Variants in LIPJ observed in about 807,000 individuals in gnomAD.
The protein encoded by LIPJ is lipase family member J.
LIPJ carries 33 observed loss-of-function variants against 39.8 expected under a neutral mutation model. The ratio of observed to expected loss-of-function variants is 0.83; its 90% CI spans 0.63 to 1.11. The LOEUF (loss-of-function observed/expected upper bound fraction) is 1.11. LIPJ is among the 50% of genes least tolerant of loss of function. The probability of loss-of-function intolerance (pLI) is 0.00; values close to 1 mark genes in which losing one functional copy is unlikely to be tolerated. For synonymous variants in LIPJ, 128 were observed against 139.2 expected, an observed-to-expected ratio of 0.92 and a Z score of 0.57; for missense variants, 422 against 427.9, an observed-to-expected ratio of 0.99 and a Z score of 0.12.
the LIPJ span, among the ~76,000 whole-genome samples, chr10:88,621,700 T>C: frequency 6.6e-6 from 1 of 152,098 alleles, no homozygotes; most frequent in Non-Finnish European, 1.5e-5. Flanking sequence ...AAAAAAAGTA[T>C]TAGGAGGAGA....
At chr10:88,592,995 C>G (rs980808208) in intron 4 of LIPJ, 1 of 151,894 alleles carries the variant, frequency 6.6e-6, no homozygotes, top group Non-Finnish European at 1.5e-5. Flanking sequence ...TAGGGGCTAA[C>G]ATATTCATAT....
downstream of LIPJ, among the ~76,000 whole-genome samples, chr10:88,607,712 C>G (rs1034212912): frequency 6.6e-6 from 1 of 152,148 alleles, no homozygotes; most frequent in Non-Finnish European, 1.5e-5. Context: ...TCAATAAATG[C>G]AACACATATA....
chr10:88,621,122 G>A, the LIPJ span, among the ~76,000 whole-genome samples: 42 of 152,164 alleles, frequency 2.8e-4, 1 homozygote, highest in South Asian at 1.7e-3. Context: ...GAATGCAAAC[G>A]TTCAATTCAT....
At chr10:88,609,346 A>G (rs1851723338), downstream of LIPJ, among the ~76,000 whole-genome samples, 1 of 152,254 alleles carries the variant, frequency 6.6e-6, no homozygotes, top group Admixed American at 6.5e-5. Context: ...GAGAATAGAT[A>G]CATCTTTAGA....
chr10:88,590,118 A>C (rs1056258052), intron 2 of LIPJ, among the ~76,000 whole-genome samples: 1 of 151,612 alleles, frequency 6.6e-6, no homozygotes, highest in Admixed American at 6.6e-5. Flanking sequence ...ACCTATCTGT[A>C]AAAAAAGTAA....
chr10:88,599,756 G>GT (rs1234619320), intron 8 of LIPJ, among the ~76,000 whole-genome samples: 8 of 149,020 alleles, frequency 5.4e-5, no homozygotes, highest in South Asian at 2.1e-4. Context: ...AATTTTTATG[G>GT]TTTTTTTTGT....
At chr10:88,588,571 T>C (rs972945498) in intron 2 of LIPJ, among the ~76,000 whole-genome samples, 1 of 151,882 alleles carries the variant, frequency 6.6e-6, no homozygotes, top group Non-Finnish European at 1.5e-5. Context: ...CAGCATGATA[T>C]GGATGAAAAA....
intron 8 of LIPJ, 133 bp from the exon 9 acceptor site, chr10:88,602,443 G>A (rs1257705304): frequency 1.9e-6 from 1 of 531,674 alleles, no homozygotes; most frequent in Non-Finnish European, 3.1e-6. Flanking sequence ...ATAATTTGAT[G>A]ATTTGTTTAT....
chr10:88,602,686 A>T, intron 9 of LIPJ, 39 bp downstream of exon 9: 1 of 1,292,844 alleles, frequency 7.7e-7, no homozygotes, highest in Non-Finnish European at 1.1e-6. Context: ...AATTTAATTC[A>T]TGCTACTCAT....
chr10:88,607,094 C>T, downstream of LIPJ: 1 of 465,658 alleles, frequency 2.1e-6, no homozygotes, highest in Non-Finnish European at 3.4e-6. Context: ...GGGGAAATGG[C>T]AGATTATAAA....
rs570059232 is a variant in LIPJ at position 88,600,404 on chromosome 10, T to TA, written c.724-2172_724-2171insA. 6.7e-3 allele frequency among the ~76,000 whole-genome samples: 1,024 copies of TA among 152,316 alleles called. 27 individuals are homozygous for TA. The South Asian group carries it at 0.083, about 12-fold the overall frequency. On this transcript the variant is annotated intron_variant, in intron 8 of 10. Transcript: ENST00000371939. The stretch of plus-strand genomic sequence containing the variant: ...TGTGTATAGTCTGCTTTTAAATCCA[T>TA]CTAATAAATTTTAAAGTTTATACAT...
chr10:88,599,017 T>TA (rs1564935951), intron 8 of LIPJ, among the ~76,000 whole-genome samples: 8 of 144,568 alleles, frequency 5.5e-5, no homozygotes, highest in African/African-American at 2.1e-4. Flanking sequence ...TAATAATATA[T>TA]TATATTAATT....
At chr10:88,589,613 T>C (rs909148325) in intron 2 of LIPJ, among the ~76,000 whole-genome samples, 8 of 151,854 alleles carry the variant, frequency 5.3e-5, no homozygotes, top group Non-Finnish European at 1.0e-4. Context: ...ATAATTTTTT[T>C]CAAGCGGTCA....
the LIPJ span, among the ~76,000 whole-genome samples, chr10:88,615,414 G>A: frequency 5.3e-5 from 8 of 151,862 alleles, no homozygotes; most frequent in South Asian, 2.1e-4. Flanking sequence ...TTAGCCAGAC[G>A]TGGTGGCAGG....
downstream of LIPJ, among the ~76,000 whole-genome samples, chr10:88,609,823 C>T (rs375827509): frequency 3.2e-3 from 483 of 150,732 alleles, 1 homozygote; most frequent in African/African-American, 7.7e-3. Context: ...CGCTTGAACC[C>T]GGGAGGCAGA....
chr10:88,619,227 A>G, the LIPJ span, among the ~76,000 whole-genome samples: 4 of 130,748 alleles, frequency 3.1e-5, no homozygotes, highest in Non-Finnish European at 6.5e-5. Flanking sequence ...AAAAAAAAAA[A>G]AGCTGTAACC....
intron 8 of LIPJ, among the ~76,000 whole-genome samples, chr10:88,599,012 ATATAT>A (rs1247321649): frequency 7.5e-5 from 11 of 146,420 alleles, no homozygotes; most frequent in Admixed American, 6.9e-4. Flanking sequence ...TATTATAATA[ATATAT>A]TATATTAATT....
chr10:88,617,703 A>T, the LIPJ span, among the ~76,000 whole-genome samples: 1 of 152,240 alleles, frequency 6.6e-6, no homozygotes, highest in South Asian at 2.1e-4. Context: ...ACTATTGAAC[A>T]TATATCTGGT....
At chr10:88,590,617 A>G (rs1851046540) in exon 3 of LIPJ, 1 of 1,246,930 alleles carries the variant, frequency 8.0e-7, no homozygotes, top group Non-Finnish European at 1.2e-6. Context: ...ACAATGATGT[A>G]TTTTATCCGA....
Sources: gnomAD v4.1 joint callset for allele counts (sites outside exome capture counted in the v4.1 genomes callset) on GRCh38, gnomAD v4.1.1 for gene constraint, MANE v1.5 for transcripts, NCBI Gene and HGNC (gene_info 2026-07-23, HGNC 2026-07-21) for gene names.